The following SOX5 variants were observed in gnomAD, a reference collection of about 807,000 sequenced individuals.
The protein encoded by SOX5 is transcription factor SOX-5.
Under a neutral mutation model 92.0 loss-of-function variants are expected in SOX5, and 9 were observed. The ratio of observed to expected loss-of-function variants is 0.10; its 90% CI spans 0.06 to 0.17. The LOEUF (loss-of-function observed/expected upper bound fraction) is 0.17. Ranked by LOEUF, SOX5 falls within the 10% of genes least tolerant of loss-of-function variation. SOX5 has a pLI of 1.00. For missense variants in SOX5, 642 were observed against 944.5 expected (o/e 0.68, Z 4.20); for synonymous variants, 344 against 336.3 (o/e 1.02, Z -0.25).
chr12:24,354,262 AAAAC>A (rs1222905437), intron 2 of SOX5, among the ~76,000 whole-genome samples: 2 of 152,238 alleles, frequency 1.3e-5, no homozygotes, highest in African/African-American at 4.8e-5. Context: ...CTCCTAGCAG[AAAAC>A]AAACAAACAA....
chr12:23,847,179 T>C (rs1479570188), intron 2 of SOX5, among the ~76,000 whole-genome samples: 1 of 152,110 alleles, frequency 6.6e-6, no homozygotes, highest in African/African-American at 2.4e-5. Context: ...TATAGTCTCT[T>C]ACTTCCATAA....
At chr12:23,550,009 T>C (rs1565728519) in intron 11 of SOX5, among the ~76,000 whole-genome samples, 1 of 151,990 alleles carries the variant, frequency 6.6e-6, no homozygotes, top group East Asian at 1.9e-4. Flanking sequence ...AGTATTCACT[T>C]GGGGAACTTG....
chr12:23,797,681 T>A (rs1459599666), intron 3 of SOX5, among the ~76,000 whole-genome samples: 1 of 152,056 alleles, frequency 6.6e-6, no homozygotes, highest in Non-Finnish European at 1.5e-5. Flanking sequence ...TCTAAAGAAG[T>A]CTGAAATTAT....
At chr12:23,872,831 G>A (rs890360219) in intron 2 of SOX5, among the ~76,000 whole-genome samples, 2 of 152,124 alleles carry the variant, frequency 1.3e-5, no homozygotes. Context: ...AAGAAAAGGA[G>A]GCAGCAACTT....
intron 4 of SOX5, among the ~76,000 whole-genome samples, chr12:24,012,729 C>T (rs999026072): frequency 6.6e-6 from 1 of 152,084 alleles, no homozygotes; most frequent in African/African-American, 2.4e-5. Context: ...TCCTCTACAT[C>T]CATTTTTAAC....
At chr12:23,631,163 C>G (rs1172490988) in intron 8 of SOX5, among the ~76,000 whole-genome samples, 2 of 151,890 alleles carry the variant, frequency 1.3e-5, no homozygotes, top group Non-Finnish European at 2.9e-5. Context: ...TAACAAAAAC[C>G]CCAGCATTTG....
At chr12:24,004,348 A>G (rs1951928667) in intron 4 of SOX5, among the ~76,000 whole-genome samples, 1 of 151,916 alleles carries the variant, frequency 6.6e-6, no homozygotes, top group Non-Finnish European at 1.5e-5. Flanking sequence ...TAAGCCATTG[A>G]CAAAGAAAAT....
chr12:24,223,742 G>A (rs1301036882), intron 3 of SOX5, among the ~76,000 whole-genome samples: 5 of 152,224 alleles, frequency 3.3e-5, no homozygotes, highest in Non-Finnish European at 5.9e-5. Context: ...GCAATAGAGT[G>A]AGACCCTATC....
intron 2 of SOX5, among the ~76,000 whole-genome samples, chr12:23,871,717 T>C (rs1158151654): frequency 1.3e-5 from 2 of 152,098 alleles, no homozygotes; most frequent in Non-Finnish European, 1.5e-5. Flanking sequence ...TAAAAACTAA[T>C]ATATTAATAT....
intron 4 of SOX5, among the ~76,000 whole-genome samples, chr12:24,017,296 G>A (rs1953739775): frequency 1.3e-5 from 2 of 152,252 alleles, no homozygotes; most frequent in Admixed American, 1.3e-4. Flanking sequence ...GCTGAACTAA[G>A]CTGGAGAAAA....
At chr12:24,449,988 A>G (rs1202184571) in intron 1 of SOX5, among the ~76,000 whole-genome samples, 2 of 152,168 alleles carry the variant, frequency 1.3e-5, no homozygotes, top group African/African-American at 4.8e-5. Context: ...AAATCCTAAG[A>G]CTACCTTTCT....
At chr12:24,330,074 T>C (rs1455504192) in intron 2 of SOX5, among the ~76,000 whole-genome samples, 3 of 151,754 alleles carry the variant, frequency 2.0e-5, no homozygotes, top group Non-Finnish European at 4.4e-5. Context: ...TATCCACCAA[T>C]AGAATTACGA....
chr12:24,067,872 C>G (rs572565038), intron 4 of SOX5, among the ~76,000 whole-genome samples: 107 of 152,286 alleles, frequency 7.0e-4, no homozygotes, highest in African/African-American at 2.5e-3. Flanking sequence ...AGGCCAGGTG[C>G]GGCGGCTCAC....
chr12:24,523,399 A>G (rs1460548206), intron 1 of SOX5, among the ~76,000 whole-genome samples: 1 of 152,226 alleles, frequency 6.6e-6, no homozygotes, highest in Admixed American at 6.5e-5. Flanking sequence ...TATAAAATTC[A>G]CATGAACCCA....
At chr12:23,738,408 G>A (rs7966642) in intron 5 of SOX5, 83,334 of 151,942 alleles carry the variant, frequency 0.55, 24,423 homozygotes, top group Non-Finnish European at 0.65. Context: ...GTAGAGAAGC[G>A]CTGGGAGAGC....
chr12:24,417,435 G>A (rs1424723789), intron 1 of SOX5, among the ~76,000 whole-genome samples: 2 of 152,278 alleles, frequency 1.3e-5, no homozygotes, highest in African/African-American at 4.8e-5. Flanking sequence ...CAGAAGGAAA[G>A]GCTCTTTATA....
chr12:24,161,836 A>G (rs1216135807), intron 4 of SOX5, among the ~76,000 whole-genome samples: 4 of 152,084 alleles, frequency 2.6e-5, no homozygotes, highest in Admixed American at 2.6e-4. Context: ...GTAGTATCCA[A>G]TAACAAAAGC....
At chr12:23,961,596 CT>C (rs1946939951) in intron 4 of SOX5, among the ~76,000 whole-genome samples, 1 of 152,180 alleles carries the variant, frequency 6.6e-6, no homozygotes, top group African/African-American at 2.4e-5. Context: ...GTATCACCCC[CT>C]ATTGGAATCT....
intron 3 of SOX5, among the ~76,000 whole-genome samples, chr12:23,796,079 T>C (rs1331439942): frequency 1.3e-5 from 2 of 152,138 alleles, no homozygotes; most frequent in African/African-American, 4.8e-5. Context: ...ACCCAATCTT[T>C]TAAAAAATCC....
Sources: gnomAD v4.1 joint callset for allele counts (sites outside exome capture counted in the v4.1 genomes callset) on GRCh38, gnomAD v4.1.1 for gene constraint, MANE v1.5 for transcripts, NCBI Gene and HGNC (gene_info 2026-07-23, HGNC 2026-07-21) for gene names.